Variants in ERC2 observed in about 807,000 individuals in gnomAD.
ERC2 encodes the protein ELKS/RAB6-interacting/CAST family member 2.
Under a neutral mutation model 114.8 loss-of-function variants are expected in ERC2, and 42 were observed. The observed-to-expected ratio is 0.37, with a 90% CI of 0.29 to 0.47. The LOEUF is 0.47. Ranked by LOEUF, ERC2 falls within the 20% of genes least tolerant of loss-of-function variation. The pLI is 0.99. For missense variants in ERC2, 939 were observed against 1,150.7 expected, an observed-to-expected ratio of 0.82 and a Z score of 2.66; for synonymous variants, 454 against 425.5, an observed-to-expected ratio of 1.07 and a Z score of -0.82.
intron 13 of ERC2, among the ~76,000 whole-genome samples, chr3:55,934,951 C>A (rs138237455): frequency 1.1e-4 from 17 of 152,266 alleles, no homozygotes; most frequent in African/African-American, 4.1e-4. Flanking sequence ...ACAAAACATG[C>A]CAGACTGTTC....
chr3:56,396,507 C>T (rs2060311368), intron 2 of ERC2, among the ~76,000 whole-genome samples: 1 of 151,970 alleles, frequency 6.6e-6, no homozygotes, highest in Non-Finnish European at 1.5e-5. Flanking sequence ...GAAAGGTGGC[C>T]AAGATGTATT....
At chr3:56,041,697 T>C (rs2075200885) in intron 7 of ERC2, among the ~76,000 whole-genome samples, 1 of 152,156 alleles carries the variant, frequency 6.6e-6, no homozygotes, top group South Asian at 2.1e-4. Flanking sequence ...CAGTGCCCAG[T>C]AAGATATATA....
intron 10 of ERC2, among the ~76,000 whole-genome samples, chr3:56,002,524 C>G (rs533382904): frequency 1.3e-5 from 2 of 152,232 alleles, no homozygotes; most frequent in East Asian, 3.9e-4. Flanking sequence ...TTACTAGTTA[C>G]CTTTTTGTAC....
chr3:55,545,959 C>T (rs530158880), intron 17 of ERC2, among the ~76,000 whole-genome samples: 3 of 152,096 alleles, frequency 2.0e-5, no homozygotes, highest in South Asian at 2.1e-4. Flanking sequence ...GGTCCCTGAG[C>T]GCATACAGGG....
intron 3 of ERC2, among the ~76,000 whole-genome samples, chr3:56,192,186 G>A (rs1302524232): frequency 6.6e-6 from 1 of 152,128 alleles, no homozygotes. Flanking sequence ...GTCTCCCACA[G>A]GATCTCTGGG....
At chr3:56,135,940 A>G (rs2149902896) in intron 6 of ERC2, among the ~76,000 whole-genome samples, 1 of 152,336 alleles carries the variant, frequency 6.6e-6, no homozygotes, top group Admixed American at 6.5e-5. Flanking sequence ...GTAGCAAAAT[A>G]AGAAACTTGG....
At chr3:56,296,523 T>A in intron 2 of ERC2, 88 bp from the exon 3 acceptor site, 1 of 1,365,464 alleles carries the variant, frequency 7.3e-7, no homozygotes. Context: ...CACCACACTA[T>A]GAAGATGGAA....
intron 14 of ERC2, among the ~76,000 whole-genome samples, chr3:55,840,893 T>C (rs1559745732): frequency 1.3e-5 from 2 of 152,042 alleles, no homozygotes; most frequent in South Asian, 4.1e-4. Context: ...ATTCTAGGAA[T>C]TGCAAACTAC....
chr3:55,980,807 G>C (rs1576442397), intron 12 of ERC2, among the ~76,000 whole-genome samples: 1 of 151,728 alleles, frequency 6.6e-6, no homozygotes, highest in Admixed American at 6.6e-5. Flanking sequence ...TCTTATTCTG[G>C]GTCATGACTT....
At chr3:56,343,477 G>T (rs143157697) in intron 2 of ERC2, among the ~76,000 whole-genome samples, 195 of 152,066 alleles carry the variant, frequency 1.3e-3, no homozygotes, top group Non-Finnish European at 1.8e-3. Flanking sequence ...AATTAGCCAG[G>T]TGTGGTGCCA....
intron 6 of ERC2, among the ~76,000 whole-genome samples, chr3:56,085,744 T>C (rs2077467965): frequency 6.6e-6 from 1 of 152,188 alleles, no homozygotes; most frequent in Admixed American, 6.5e-5. Context: ...TACTGGAATA[T>C]TGGCAGAACA....
rs769633671 is a variant in ERC2 at position 56,130,377 on chromosome 3, A to C, written c.1473+9132T>G. Among the ~76,000 whole-genome samples the C allele has an allele frequency of 6.3e-4, 96 of 152,352 alleles. 1 individual carries two copies. The highest frequency in any genetic ancestry group is 1.2e-3 in the Non-Finnish European group (83 of 68,028). ...TCACATTGGTGTTCAGTTACCGGGC[A>C]GACAATGAATTTTCCTAATCCATTT... On this transcript the variant is annotated intron_variant, in intron 6 of 17. Transcript: ENST00000288221.
intron 14 of ERC2, among the ~76,000 whole-genome samples, chr3:55,743,624 A>G (rs574901668): frequency 2.0e-5 from 3 of 152,060 alleles, no homozygotes; most frequent in Admixed American, 6.5e-5. Context: ...GAAACAAGAA[A>G]AAAAGAAAAT....
intron 6 of ERC2, among the ~76,000 whole-genome samples, chr3:56,118,705 C>T (rs1031900910): frequency 3.4e-5 from 5 of 147,184 alleles, no homozygotes; most frequent in Non-Finnish European, 5.9e-5. Flanking sequence ...GGCGTGATCT[C>T]GGCTCACTGC....
chr3:56,003,109 A>C, intron 10 of ERC2: 1 of 1,289,330 alleles, frequency 7.8e-7, no homozygotes, highest in Non-Finnish European at 1.0e-6. Context: ...TGGGTTGTAC[A>C]TCTGATTGAA....
intron 13 of ERC2, among the ~76,000 whole-genome samples, chr3:55,889,220 C>A (rs181503475): frequency 3.5e-4 from 53 of 152,266 alleles, no homozygotes; most frequent in Admixed American, 3.1e-3. Flanking sequence ...GTTTCAGATT[C>A]AGTCACGTTT....
At chr3:55,706,492 G>A (rs1191305635) in intron 15 of ERC2, among the ~76,000 whole-genome samples, 3 of 152,052 alleles carry the variant, frequency 2.0e-5, no homozygotes, top group African/African-American at 4.8e-5. Context: ...TACTTCCCGG[G>A]TTCAAGTGAT....
intron 14 of ERC2, among the ~76,000 whole-genome samples, chr3:55,770,564 A>G (rs2068117885): frequency 6.6e-6 from 1 of 152,106 alleles, no homozygotes; most frequent in African/African-American, 2.4e-5. Flanking sequence ...TCCAACTCTG[A>G]ATCTAAGAGT....
chr3:56,178,720 A>C (rs2083118276), intron 3 of ERC2, among the ~76,000 whole-genome samples: 1 of 152,192 alleles, frequency 6.6e-6, no homozygotes. Flanking sequence ...AACCAAACAG[A>C]CCAATATCCC....
Sources: allele counts gnomAD v4.1 joint callset (sites outside exome capture counted in the v4.1 genomes callset), GRCh38; gene constraint gnomAD v4.1.1; transcripts MANE v1.5; gene names NCBI Gene and HGNC (gene_info 2026-07-23, HGNC 2026-07-21).